MYBPC3: variants seen among roughly 807,000 people sequenced by gnomAD.
MYBPC3 encodes myosin binding protein C3.
MYBPC3 carries 108 observed loss-of-function variants against 159.3 expected under a neutral mutation model. The observed-to-expected ratio is 0.68, with a 90% CI of 0.58 to 0.80. The LOEUF (loss-of-function observed/expected upper bound fraction) is 0.80, where lower values mean the gene tolerates loss of function less well. Among genes scored for constraint, MYBPC3 ranks in the 30% least tolerant of loss-of-function variants. The pLI is 0.00. For synonymous variants in MYBPC3, 730 were observed against 702.0 expected, an observed-to-expected ratio of 1.04 and a Z score of -0.63; for missense variants, 1,631 against 1,762.1, an observed-to-expected ratio of 0.93 and a Z score of 1.33.
rs1222889239 is a variant in MYBPC3, at chr11:47,351,955, G to A, written c.26-450C>T. The stretch of plus-strand genomic sequence containing the variant: ...TGAGATAAAGCTGGCCTGGGAGGGC[G>A]CTGGGGGATGGGGACCTGGATCTCT... On this transcript the variant is annotated intron_variant, in intron 1 of 34. Transcript: ENST00000545968. The surrounding 1 kb of genome is among the most constrained non-coding windows in gnomAD (Gnocchi z 4.2). Among the ~76,000 whole-genome samples, 1 of 152,236 alleles carries A rather than the reference G, an allele frequency of 6.6e-6. No homozygotes were observed. The highest frequency in any genetic ancestry group is 6.5e-5 in the Admixed American group (1 of 15,302).
rs573916965 is a variant in MYBPC3 at position 47,346,297 on chromosome 11, C to T, written c.1000G>A (p.Glu334Lys). Reference sequence around the variant, plus strand: ...ACGCCGTACTGGAAGGCGATGCGCTCGTACTCAGATGGGGGTGCCTGCCGT... The same window carrying T: ...ACGCCGTACTGGAAGGCGATGCGCTTGTACTCAGATGGGGGTGCCTGCCGT... ...ILRQAPPSEYERIAFQYGVTD... is the reference protein window; with the variant it reads ...ILRQAPPSEYKRIAFQYGVTD... Residue 334 changes from glutamate to lysine, a missense_variant, in exon 12 of 35, where the codon GAG (glutamate) becomes AAG (lysine). Transcript: ENST00000545968. The surrounding 1 kb of genome is among the most constrained non-coding windows in gnomAD (Gnocchi z 5.3). 190 of 1,613,334 alleles carry T rather than the reference C, an allele frequency of 1.2e-4. No homozygotes were observed. In the East Asian group the frequency reaches 3.7e-3, roughly 32 times the overall value.
chr11:47,352,275 T>C (rs756847551), intron 1 of MYBPC3, among the ~76,000 whole-genome samples: 12 of 152,088 alleles, frequency 7.9e-5, no homozygotes, highest in Non-Finnish European at 1.6e-4. Context: ...AGCTCCATAC[T>C]AAACGTGGGC....
chr11:47,332,241 G>A lies in MYBPC3; in HGVS notation c.3645C>T (p.Phe1215=). 2 of 1,613,810 alleles carry A rather than the reference G, an allele frequency of 1.2e-6. No homozygotes were observed. The highest frequency in any genetic ancestry group is 1.3e-5 in the African/African-American group (1 of 75,060). Residue 1215 remains phenylalanine (F), a synonymous_variant, in exon 33 of 35, where the codon TTC becomes TTT. Coordinates refer to ENST00000545968, the MANE Select transcript of MYBPC3 (RefSeq NM_000256.3). This position sits in a 1 kb window ranked among gnomAD's most constrained non-coding sequence, Gnocchi z 4.2. ...RGSPKPKISW[F]KNGLDLGEDA... is the part of the protein sequence containing the mutation. ...CTTCTCCCAGGTCCAGGCCATTCTTGAACCAGGAAATCTTGGGCTATAAAT... is the reference window on the plus strand; with the variant it reads ...CTTCTCCCAGGTCCAGGCCATTCTTAAACCAGGAAATCTTGGGCTATAAAT...
intron 20 of MYBPC3, among the ~76,000 whole-genome samples, chr11:47,340,224 C>CA (rs980654889): frequency 9.4e-5 from 13 of 138,528 alleles, no homozygotes; most frequent in African/African-American, 3.7e-4. Context: ...CACATACATA[C>CA]ACGCACACAC....
intron 13 of MYBPC3, 31 bp from the exon 14 acceptor site, chr11:47,343,293 C>G: frequency 6.5e-7 from 1 of 1,539,560 alleles, no homozygotes; most frequent in Non-Finnish European, 8.7e-7. Context: ...TTGAAGTGTT[C>G]CCGACGGGAG....
Position 47,341,039 on chromosome 11 carries a change from G to C in MYBPC3, c.1898-7C>G. On this transcript the variant is annotated splice_region_variant and splice_polypyrimidine_tract_variant and intron_variant, in intron 19 of 34. Transcript: ENST00000545968. ...ACGAAGTCAATCTTGACCTCTGCAAGAGAAGGAAGAGCAAGTAGCACGGGG... is the reference window on the plus strand; with the variant it reads ...ACGAAGTCAATCTTGACCTCTGCAACAGAAGGAAGAGCAAGTAGCACGGGG... 6.3e-7 allele frequency: 1 copy of C among 1,576,032 alleles called. No homozygotes were observed. Among genetic ancestry groups the C allele is most frequent in the South Asian group, 1.2e-5 (1 of 85,922 alleles).
chr11:47,352,252 G>A (rs1192183819), intron 1 of MYBPC3, among the ~76,000 whole-genome samples: 5 of 152,158 alleles, frequency 3.3e-5, no homozygotes, highest in Non-Finnish European at 7.4e-5. Context: ...AAGGCATGCC[G>A]TGAGCCTGGC....
chr11:47,342,608 C>G lies in MYBPC3; in HGVS notation c.1594G>C (p.Gly532Arg), dbSNP rs1259569042. The change falls in exon 17 of 35, where the codon GGC (glycine) becomes CGC (arginine). Residue 532 changes from glycine to arginine, a missense_variant. Gly to Arg is a moderately radical substitution (Grantham distance 125). Coordinates refer to ENST00000545968, the MANE Select transcript of MYBPC3 (RefSeq NM_000256.3). ...ACAATGAGCTCAGCCAGCGCCTGGC[C>G]CCCGCTAGTGCACAGTGCATAGTGC... ...AGHYALCTSG[G>R]QALAELIVQE... 2.5e-6 allele frequency: 4 copies of G among 1,611,910 alleles called. No individual in the cohort carries two copies. Among genetic ancestry groups the G allele is most frequent in the Non-Finnish European group, 3.4e-6 (4 of 1,178,670 alleles).
At chr11:47,341,588 C>A (rs2142859737) in intron 18 of MYBPC3, among the ~76,000 whole-genome samples, 1 of 152,294 alleles carries the variant, frequency 6.6e-6, no homozygotes, top group South Asian at 2.1e-4. Context: ...GCAGTGAGGG[C>A]CTCTGGCCAG....
At chr11:47,336,752 T>A (rs939009181) in intron 25 of MYBPC3, among the ~76,000 whole-genome samples, 1 of 152,114 alleles carries the variant, frequency 6.6e-6, no homozygotes, top group Non-Finnish European at 1.5e-5. Context: ...TGGGAACAGG[T>A]GTCCTCCTGA....
rs374311828 is a variant in MYBPC3, at chr11:47,339,822, G to C, written c.1928-32C>G. 3.9e-5 allele frequency: 63 copies of C among 1,603,796 alleles called. 2 individuals carry two copies. The South Asian group carries it at 6.8e-4, about 17-fold the overall frequency. Reference sequence around the variant, plus strand: ...AAGACACAATGTAGTTCAGAGAAACGGGAGAGCCAGGAGGAGCACAGGTCA... The same window carrying C: ...AAGACACAATGTAGTTCAGAGAAACCGGAGAGCCAGGAGGAGCACAGGTCA... On this transcript the variant is annotated intron_variant, in intron 20 of 34. Coordinates refer to ENST00000545968, the MANE Select transcript of MYBPC3 (RefSeq NM_000256.3).
intron 1 of MYBPC3, 123 bp downstream of exon 1, chr11:47,352,500 T>C (rs1595851146): frequency 7.9e-7 from 1 of 1,265,178 alleles, no homozygotes. Context: ...TGGCTGCCCC[T>C]GTCCTGGGGC....
In MYBPC3 at chr11:47,351,638, G is replaced by A; in HGVS notation, c.26-133C>T. ...CGTAATACTCTACCAGTTCTCTGAGGTAGTTGCAGTTATTCTGTTCATTTC... is the reference window on the plus strand; with the variant it reads ...CGTAATACTCTACCAGTTCTCTGAGATAGTTGCAGTTATTCTGTTCATTTC... On this transcript the variant is annotated intron_variant, in intron 1 of 34. Coordinates refer to ENST00000545968, the MANE Select transcript of MYBPC3 (RefSeq NM_000256.3). The surrounding 1 kb of genome is among the most constrained non-coding windows in gnomAD (Gnocchi z 4.2). The A allele has an allele frequency of 9.2e-7, 1 of 1,083,448 alleles. No individual in the cohort carries two copies. Among genetic ancestry groups the A allele is most frequent in the Non-Finnish European group, 1.3e-6 (1 of 793,542 alleles). The allele number at this position is 1,083,448 out of a possible 1,614,324, so 67.1% of individuals were successfully genotyped here. A position where few individuals can be genotyped will look rare whatever the true frequency, so the allele number is the denominator to read the frequency against.
Position 47,346,668 on chromosome 11 carries a change from G to A in MYBPC3, c.909-24C>T. The A allele has an allele frequency of 1.3e-6, 2 of 1,597,128 alleles. No individual in the cohort carries two copies. The highest frequency in any genetic ancestry group is 1.7e-6 in the Non-Finnish European group (2 of 1,170,538). ...TGCTGCTCCAGGGGTGGGGGTGGGA[G>A]AAAGGGTAGGTGGCACATGAGAGGT... On this transcript the variant is annotated intron_variant, in intron 10 of 34. Transcript: ENST00000545968. The surrounding 1 kb of genome is among the most constrained non-coding windows in gnomAD (Gnocchi z 5.3).
chr11:47,341,804 C>T (rs1320939897), intron 18 of MYBPC3, among the ~76,000 whole-genome samples, 187 bp downstream of exon 18: 1 of 152,142 alleles, frequency 6.6e-6, no homozygotes, highest in Non-Finnish European at 1.5e-5. Context: ...GTCTTTCTGT[C>T]TCTTTGTCTT....
At chr11:47,342,185 C>G (rs117125624) in intron 17 of MYBPC3, 29 bp from the exon 18 acceptor site, 5 of 1,608,988 alleles carry the variant, frequency 3.1e-6, no homozygotes, top group South Asian at 1.1e-5. Flanking sequence ...CCATTGAGCT[C>G]GGGAGGGTGT....
chr11:47,346,548 T>C lies in MYBPC3; in HGVS notation c.926+79A>G. On this transcript the variant is annotated intron_variant, in intron 11 of 34. Transcript: ENST00000545968. This position sits in a 1 kb window ranked among gnomAD's most constrained non-coding sequence, Gnocchi z 5.3. ...AGGCAGGACTGGGGGCCAAGGGAGC[T>C]GAAGAGGGGCTGGGGATCTGGAGGG... 1 of 1,507,740 alleles carries C rather than the reference T, an allele frequency of 6.6e-7. No homozygotes were observed. The highest frequency in any genetic ancestry group is 2.3e-5 in the East Asian group (1 of 43,452). The allele number at this position is 1,507,740 out of a possible 1,614,324, so 93.4% of individuals were successfully genotyped here. A position where few individuals can be genotyped will look rare whatever the true frequency, so the allele number is the denominator to read the frequency against.
chr11:47,333,578 TG>T lies in MYBPC3; in HGVS notation c.3168del (p.Thr1057ArgfsTer18), dbSNP rs760491068. 6.2e-7 allele frequency: 1 copy of T among 1,600,902 alleles called. No homozygotes were observed. The highest frequency in any genetic ancestry group is 2.2e-5 in the East Asian group (1 of 44,884). On this transcript the variant is annotated frameshift_variant, in exon 29 of 35. Transcript: ENST00000545968. LOFTEE classifies it high-confidence loss of function. ...TVRIENMEDK[A>X]TLVLQVVDKP... ...GCACCAACAACCTGCAGCACCAGCG[TG>T]GCCTTGTCCTCCATGTTCTCAATGC... is the stretch of plus-strand genomic sequence containing the variant.
In MYBPC3 at chr11:47,346,187, C is replaced by A. The variant is rs148006583; in HGVS notation, c.1090+20G>T. The A allele has an allele frequency of 6.2e-7, 1 of 1,613,362 alleles. No individual in the cohort carries two copies. Among genetic ancestry groups the A allele is most frequent in the Non-Finnish European group, 8.5e-7 (1 of 1,179,706 alleles). On this transcript the variant is annotated intron_variant, in intron 12 of 34. Transcript: ENST00000545968. This position sits in a 1 kb window ranked among gnomAD's most constrained non-coding sequence, Gnocchi z 5.3. ...GGGCTAGCCTGTGCCCTCTCCTCTCCCCTCTGAGGAAGGGCTAACCTGTGC... is the reference window on the plus strand; with the variant it reads ...GGGCTAGCCTGTGCCCTCTCCTCTCACCTCTGAGGAAGGGCTAACCTGTGC...
Sources: allele counts gnomAD v4.1 joint callset (sites outside exome capture counted in the v4.1 genomes callset), GRCh38; gene constraint gnomAD v4.1.1; non-coding constraint Gnocchi (gnomAD v3.1); transcripts MANE v1.5; gene names NCBI Gene and HGNC (gene_info 2026-07-23, HGNC 2026-07-21).